The following PIEZO1 variants were observed in gnomAD, a reference collection of about 807,000 sequenced individuals.
PIEZO1 encodes piezo-type mechanosensitive ion channel component 1.
In PIEZO1, 296 loss-of-function variants were observed where a neutral mutation model predicts 297.2. That is an observed-to-expected ratio of 1.00 (90% confidence interval 0.91 to 1.10). The LOEUF (loss-of-function observed/expected upper bound fraction) is 1.10, where lower values mean the gene tolerates loss of function less well. PIEZO1 is among the 50% of genes least tolerant of loss of function. PIEZO1 has a pLI of 0.00. For missense variants in PIEZO1, 5,018 were observed against 3,455.5 expected, an observed-to-expected ratio of 1.45 and a Z score of -11.34; for synonymous variants, 2,427 against 1,507.5, an observed-to-expected ratio of 1.61 and a Z score of -14.13.
chr16:88,768,473 C>T (rs935538954), intron 1 of PIEZO1, among the ~76,000 whole-genome samples: 8 of 152,212 alleles, frequency 5.3e-5, no homozygotes, highest in South Asian at 2.1e-4. Context: ...GTGAGAAAGA[C>T]GGACACACTG....
rs766628276 is a variant in PIEZO1, at chr16:88,722,640, G to T, written c.4718C>A (p.Ala1573Asp). 1.5e-5 allele frequency: 23 copies of T among 1,538,452 alleles called. No individual in the cohort carries two copies. The South Asian group carries it at 2.7e-4, about 18-fold the overall frequency. Residue 1573 changes from alanine to aspartate, a missense_variant, in exon 35 of 51, where the codon GCC (alanine) becomes GAC (aspartate). Coordinates refer to ENST00000301015, the MANE Select transcript of PIEZO1 (RefSeq NM_001142864.4). ...GVLDQLYTSQ[A>D]EATLPGPTEA... ...GGTGGGGCCTGGCAGCGTGGCCTCGGCCTGGCTTGTGTACAGCTGATCCAG... is the reference window on the plus strand; with the variant it reads ...GGTGGGGCCTGGCAGCGTGGCCTCGTCCTGGCTTGTGTACAGCTGATCCAG...
intron 1 of PIEZO1, among the ~76,000 whole-genome samples, chr16:88,755,459 G>A (rs991912530): frequency 3.3e-5 from 5 of 152,124 alleles, no homozygotes; most frequent in African/African-American, 4.8e-5. Flanking sequence ...CACCCCACCC[G>A]CCACGTTCCC....
rs1051648933 is a variant in PIEZO1, at chr16:88,725,702, T to C, written c.3969-18A>G. The C allele has an allele frequency of 5.1e-6, 7 of 1,371,346 alleles. No individual in the cohort carries two copies. The highest frequency in any genetic ancestry group is 7.1e-6 in the Non-Finnish European group (7 of 984,430). 84.9% of individuals were successfully genotyped at this position (1,371,346 alleles called of 1,614,324 possible). A position where few individuals can be genotyped will look rare whatever the true frequency, so the allele number is the denominator to read the frequency against. On this transcript the variant is annotated intron_variant, in intron 27 of 50. Coordinates refer to ENST00000301015, the MANE Select transcript of PIEZO1 (RefSeq NM_001142864.4). ...CGAAGCCCCTGTAGGGAGGCGGGGA[T>C]GGGGTGTGAGCACCAGGCACTCGAC...
chr16:88,716,623 T>A lies in PIEZO1; in HGVS notation c.6862A>T (p.Met2288Leu). The change falls in exon 47 of 51, where the codon ATG becomes TTG. Residue 2288 changes from methionine (M) to leucine (L), a missense_variant. Met to Leu is a conservative substitution (Grantham distance 15). Coordinates refer to ENST00000301015, the MANE Select transcript of PIEZO1 (RefSeq NM_001142864.4). ...WRISPPSRAQMKRELYNGTAD... is the reference protein window; with the variant it reads ...WRISPPSRAQLKRELYNGTAD... ...GTGCCGTTGTAGAGCTCCCGCTTCA[T>A]CTGGGCACGGCTGGGGGGACTGATG... 6.5e-7 allele frequency: 1 copy of A among 1,549,980 alleles called. No homozygotes were observed.
chr16:88,735,805 C>T (rs938296614), intron 12 of PIEZO1, among the ~76,000 whole-genome samples: 1 of 151,452 alleles, frequency 6.6e-6, no homozygotes, highest in African/African-American at 2.4e-5. Context: ...CTCACACACA[C>T]TGTCAGGGGC....
chr16:88,721,272 G>C lies in PIEZO1; in HGVS notation c.5562C>G (p.Thr1854=). ...GCCTGAGCTCCACTTGGGGTTCTGGGGTCCCGTCCGTGGGTCCGACCCTGG... is the reference window on the plus strand; with the variant it reads ...GCCTGAGCTCCACTTGGGGTTCTGGCGTCCCGTCCGTGGGTCCGACCCTGG... ...VEARVGPTDG[T]PEPQVELRPR... is the part of the protein sequence containing the mutation. Residue 1854 remains threonine, a synonymous_variant, in exon 39 of 51, where the codon ACC becomes ACG. Coordinates refer to ENST00000301015, the MANE Select transcript of PIEZO1 (RefSeq NM_001142864.4). 1.3e-6 allele frequency: 2 copies of C among 1,544,038 alleles called. No homozygotes were observed. The highest frequency in any genetic ancestry group is 1.7e-6 in the Non-Finnish European group (2 of 1,146,588).
chr16:88,748,185 C>T (rs975724443), intron 2 of PIEZO1, among the ~76,000 whole-genome samples: 9 of 151,724 alleles, frequency 5.9e-5, no homozygotes, highest in Non-Finnish European at 1.2e-4. Context: ...GGCTCTTCAC[C>T]CTCCAAACCC....
intron 1 of PIEZO1, among the ~76,000 whole-genome samples, chr16:88,768,030 C>T (rs1477419073): frequency 6.6e-6 from 1 of 152,232 alleles, no homozygotes; most frequent in African/African-American, 2.4e-5. Flanking sequence ...ACCCCGTGGA[C>T]CAGACCCCTT....
chr16:88,723,026 G>C lies in PIEZO1; in HGVS notation c.4496-17C>G, dbSNP rs770324340. On this transcript the variant is annotated splice_polypyrimidine_tract_variant and intron_variant, in intron 33 of 50. Coordinates refer to ENST00000301015, the MANE Select transcript of PIEZO1 (RefSeq NM_001142864.4). ...GGCTCCGGCCTGCGGGAGGGCGGGAGGGGGCGCTGGAGGGGCAGCCTGTGG... is the reference window on the plus strand; with the variant it reads ...GGCTCCGGCCTGCGGGAGGGCGGGACGGGGCGCTGGAGGGGCAGCCTGTGG... 1 of 1,543,648 alleles carries C rather than the reference G, an allele frequency of 6.5e-7. No individual in the cohort carries two copies.
In PIEZO1 at chr16:88,738,279, A is replaced by G; in HGVS notation, c.796T>C (p.Tyr266His). 6.5e-7 allele frequency: 1 copy of G among 1,535,912 alleles called. No homozygotes were observed. The highest frequency in any genetic ancestry group is 1.2e-5 in the South Asian group (1 of 84,068). Residue 266 changes from tyrosine (Y) to histidine (H), a missense_variant, in exon 7 of 51, where the codon TAC becomes CAC. Coordinates refer to ENST00000301015, the MANE Select transcript of PIEZO1 (RefSeq NM_001142864.4). ...AGAGCCTGTGCCAAGGGCATCTGGT[A>G]GCAGTAGAGGCAGATGAGATGGCCG... ...GAGHLICLYCYQMPLAQALLP... is the reference protein window; with the variant it reads ...GAGHLICLYCHQMPLAQALLP...
intron 1 of PIEZO1, among the ~76,000 whole-genome samples, chr16:88,755,656 G>A (rs930225862): frequency 6.6e-6 from 1 of 152,342 alleles, no homozygotes; most frequent in South Asian, 2.1e-4. Flanking sequence ...TTCAGTATCT[G>A]GGGGTTGCTT....
intron 1 of PIEZO1, among the ~76,000 whole-genome samples, chr16:88,757,327 T>TGGGGGGGGGGGGGGGGGGGGGGGGGGGG (rs200851830): frequency 1.2e-4 from 5 of 42,698 alleles, no homozygotes; most frequent in Admixed American, 3.5e-4. Flanking sequence ...GGCGGGGGGG[T>TGGGGGGGGGGGGGGGGGGGGGGGGGGGG]GGGGGGTAGT....
rs892047538 is a variant in PIEZO1, at chr16:88,722,135, C to T, written c.4956-69G>A. On this transcript the variant is annotated intron_variant, in intron 36 of 50. Coordinates refer to ENST00000301015, the MANE Select transcript of PIEZO1 (RefSeq NM_001142864.4). ...AAGGCATGACGGCCCGATCTGTTGC[C>T]GGTCACAGTCAGTCTCCTGCCCCTG... 2.0e-5 allele frequency: 31 copies of T among 1,521,186 alleles called. 1 individual carries two copies. The East Asian group carries it at 3.7e-4, about 18-fold the overall frequency. 94.2% of individuals were successfully genotyped at this position (1,521,186 alleles called of 1,614,324 possible).
Position 88,734,924 on chromosome 16 carries a change from T to TA in PIEZO1, c.1798dup (p.Tyr600LeufsTer177). On this transcript the variant is annotated frameshift_variant, in exon 14 of 51. Coordinates refer to ENST00000301015, the MANE Select transcript of PIEZO1 (RefSeq NM_001142864.4). LOFTEE classifies it high-confidence loss of function. ...GAAGAGGAACATGTAGACAATCTTGTAGACCACGAGGCGGCCGGCGAAGCT... is the reference window on the plus strand; with the variant it reads ...GAAGAGGAACATGTAGACAATCTTGTAAGACCACGAGGCGGCCGGCGAAGCT... The TA allele has an allele frequency of 3.2e-6, 5 of 1,550,402 alleles. No individual in the cohort carries two copies. Among genetic ancestry groups the TA allele is most frequent in the Non-Finnish European group, 4.4e-6 (5 of 1,146,964 alleles).
Position 88,739,043 on chromosome 16 carries a change from C to A in PIEZO1, c.466-307G>T, listed in dbSNP as rs575557870. 3.9e-5 allele frequency: 18 copies of A among 467,244 alleles called. No individual in the cohort carries two copies. The East Asian group carries it at 6.5e-4, about 17-fold the overall frequency. The allele number at this position is 467,244 out of a possible 1,614,324, so 28.9% of individuals were successfully genotyped here. Reference sequence around the variant, plus strand: ...GATGACCTTGCCAGGTACAGACAGACCACAGACTGTCCTATACCACCTCAT... The same window carrying A: ...GATGACCTTGCCAGGTACAGACAGAACACAGACTGTCCTATACCACCTCAT... On this transcript the variant is annotated intron_variant, in intron 5 of 50. Transcript: ENST00000301015.
chr16:88,723,039 G>A, intron 33 of PIEZO1, 30 bp from the exon 34 acceptor site: 1 of 1,543,498 alleles, frequency 6.5e-7, no homozygotes, highest in Non-Finnish European at 8.7e-7. Context: ...GGCGCTGGAG[G>A]GGCAGCCTGT....
chr16:88,733,993 GCTGCTGCTGATGCTC>G lies in PIEZO1; in HGVS notation c.2227_2241del (p.Glu743_Gln747del), dbSNP rs753432087. 76 of 1,547,172 alleles carry G rather than the reference GCTGCTGCTGATGCTC, an allele frequency of 4.9e-5. No homozygotes were observed. Among genetic ancestry groups the G allele is most frequent in the African/African-American group, 9.6e-5 (7 of 73,008 alleles). On this transcript the variant is annotated inframe_deletion, in exon 17 of 51. Coordinates refer to ENST00000301015, the MANE Select transcript of PIEZO1 (RefSeq NM_001142864.4). Reference sequence around the variant, plus strand: ...TCCTCCTCCTCCTCCTCCTCCTGCTGCTGCTGCTGATGCTCCTGCTGCTCCTCCCGCAGCAGTGGG... The same window carrying G: ...TCCTCCTCCTCCTCCTCCTCCTGCTGCTGCTGCTCCTCCCGCAGCAGTGGG...
Position 88,725,587 on chromosome 16 carries a change from G to A in PIEZO1, c.4058+8C>T. The A allele has an allele frequency of 6.5e-7, 1 of 1,541,860 alleles. No individual in the cohort carries two copies. ...GAGCCGGGGAGTCCCCGCCCCAGAG[G>A]CACCTACTGTCTTTTCAGCTGGGCC... is the stretch of plus-strand genomic sequence containing the variant. On this transcript the variant is annotated splice_region_variant and intron_variant, in intron 28 of 50. Transcript: ENST00000301015.
chr16:88,737,248 G>A (rs1462839636), intron 10 of PIEZO1: 4 of 339,014 alleles, frequency 1.2e-5, no homozygotes, highest in African/African-American at 6.7e-5. Context: ...AACAGCACAA[G>A]ACAGCATAGC....
Sources: allele counts gnomAD v4.1 joint callset (sites outside exome capture counted in the v4.1 genomes callset), GRCh38; gene constraint gnomAD v4.1.1; transcripts MANE v1.5; gene names NCBI Gene and HGNC (gene_info 2026-07-23, HGNC 2026-07-21).